SCARA3: variants seen among roughly 807,000 people sequenced by gnomAD.
The protein encoded by SCARA3 is scavenger receptor class A member 3.
In SCARA3, 39 loss-of-function variants were observed where a neutral mutation model predicts 47.0. The ratio of observed to expected loss-of-function variants is 0.83; its 90% CI spans 0.64 to 1.08. The LOEUF (loss-of-function observed/expected upper bound fraction) is 1.08. Ranked by LOEUF, SCARA3 falls within the 50% of genes least tolerant of loss-of-function variation. The probability of loss-of-function intolerance (pLI) is 0.00; values close to 1 mark genes in which losing one functional copy is unlikely to be tolerated. For missense variants in SCARA3, 724 were observed against 792.3 expected (o/e 0.91, Z 1.04); for synonymous variants, 356 against 334.1 (o/e 1.07, Z -0.71).
chr8:27,668,869 G>A (rs1425271745), intron 5 of SCARA3, among the ~76,000 whole-genome samples: 1 of 152,208 alleles, frequency 6.6e-6, no homozygotes, highest in Non-Finnish European at 1.5e-5. Flanking sequence ...GCTGGCTGCT[G>A]TGTTCTTAGA....
At chr8:27,670,375 A>T (rs574266021) in intron 5 of SCARA3, among the ~76,000 whole-genome samples, 27 of 152,328 alleles carry the variant, frequency 1.8e-4, no homozygotes, top group South Asian at 4.1e-4. Context: ...CTCAGTGAAG[A>T]GGCTGGGTGA....
chr8:27,712,481 T>A, the SCARA3 span, among the ~76,000 whole-genome samples: 1 of 142,246 alleles, frequency 7.0e-6, no homozygotes, highest in African/African-American at 2.6e-5. Context: ...GAGAATGGCG[T>A]GAACCCGGGA....
chr8:27,702,533 G>A, the SCARA3 span: 1 of 152,246 alleles, frequency 6.6e-6, no homozygotes, highest in African/African-American at 2.4e-5. Flanking sequence ...AATAACCAGT[G>A]GGAAGGAGAG....
the SCARA3 span, among the ~76,000 whole-genome samples, chr8:27,717,628 T>C: frequency 6.6e-6 from 1 of 151,874 alleles, no homozygotes; most frequent in African/African-American, 2.4e-5. Flanking sequence ...CTACTAAAAA[T>C]ACAAAAATTA....
chr8:27,664,245 G>C (rs1375449965), intron 5 of SCARA3, among the ~76,000 whole-genome samples: 27 of 152,206 alleles, frequency 1.8e-4, no homozygotes, highest in Admixed American at 1.8e-3. Flanking sequence ...AGTTCTTATG[G>C]TTCAGCCCCT....
chr8:27,710,403 C>A, the SCARA3 span, among the ~76,000 whole-genome samples: 1 of 152,282 alleles, frequency 6.6e-6, no homozygotes, highest in Non-Finnish European at 1.5e-5. Context: ...CATACAGCCT[C>A]TTTTGCATAC....
chr8:27,709,962 C>T, the SCARA3 span, among the ~76,000 whole-genome samples: 25 of 152,182 alleles, frequency 1.6e-4, no homozygotes, highest in African/African-American at 5.1e-4. Flanking sequence ...CAAAGAGAGA[C>T]GCTGACGCCT....
At chr8:27,732,097 C>T in the SCARA3 span, among the ~76,000 whole-genome samples, 2 of 152,220 alleles carry the variant, frequency 1.3e-5, no homozygotes, top group African/African-American at 2.4e-5. Context: ...AAAACACCAG[C>T]AGGAGCCCAG....
chr8:27,715,319 T>C, the SCARA3 span, among the ~76,000 whole-genome samples: 1 of 152,138 alleles, frequency 6.6e-6, no homozygotes, highest in Non-Finnish European at 1.5e-5. This position sits in a 1 kb window ranked among gnomAD's most constrained non-coding sequence, Gnocchi z 4.2. Context: ...TTTTCCTTAA[T>C]ATATATACTC....
chr8:27,707,015 T>A, the SCARA3 span, among the ~76,000 whole-genome samples: 112 of 152,108 alleles, frequency 7.4e-4, no homozygotes, highest in South Asian at 1.5e-3. Flanking sequence ...GGGTTATTCT[T>A]AGGAGAAAAA....
chr8:27,634,790 C>T (rs1353540930), intron 1 of SCARA3, among the ~76,000 whole-genome samples: 1 of 151,544 alleles, frequency 6.6e-6, no homozygotes, highest in African/African-American at 2.4e-5. Flanking sequence ...CCAGGACTGA[C>T]CTCTCCCCAG....
chr8:27,647,391 GCCCCA>G (rs1563403242), intron 1 of SCARA3, among the ~76,000 whole-genome samples: 1 of 152,168 alleles, frequency 6.6e-6, no homozygotes, highest in East Asian at 1.9e-4. Context: ...CTCCTTTGTC[GCCCCA>G]GATTAATTCA....
chr8:27,665,296 T>C (rs1801993240), intron 5 of SCARA3, among the ~76,000 whole-genome samples: 1 of 152,240 alleles, frequency 6.6e-6, no homozygotes, highest in South Asian at 2.1e-4. Flanking sequence ...CTGAGAACTA[T>C]TCCAGCTCTA....
At chr8:27,716,869 G>A in the SCARA3 span, among the ~76,000 whole-genome samples, 11 of 152,168 alleles carry the variant, frequency 7.2e-5, no homozygotes, top group South Asian at 2.1e-4. Flanking sequence ...AACGAACACC[G>A]CCAGGAATGG....
intron 5 of SCARA3, among the ~76,000 whole-genome samples, chr8:27,668,307 G>A (rs569506437): frequency 1.3e-5 from 2 of 151,718 alleles, no homozygotes; most frequent in South Asian, 4.2e-4. Context: ...TTGGGAGGCC[G>A]AGGCGGGTGG....
At chr8:27,649,578 C>G (rs911763639) in intron 1 of SCARA3, 124 bp from the exon 2 acceptor site, 3 of 896,084 alleles carry the variant, frequency 3.3e-6, no homozygotes, top group Admixed American at 4.1e-5. Context: ...CATCAGGCCA[C>G]CTGGAGCTCA....
Position 27,649,769 on chromosome 8 carries a change from G to C in SCARA3, c.75G>C (p.Glu25Asp), listed in dbSNP as rs749925954. 1.2e-6 allele frequency: 2 copies of C among 1,614,136 alleles called. No homozygotes were observed. Among genetic ancestry groups the C allele is most frequent in the Non-Finnish European group, 1.7e-6 (2 of 1,180,016 alleles). ...AAGAGGACCTGGCGGGTGACGACGAGGACATGCCGACCTTCCCATGCACCC... is the reference window on the plus strand; with the variant it reads ...AAGAGGACCTGGCGGGTGACGACGACGACATGCCGACCTTCCCATGCACCC... Reference protein sequence around the residue: ...VTEEDLAGDDEDMPTFPCTQK... With the variant: ...VTEEDLAGDDDDMPTFPCTQK... Residue 25 changes from glutamate to aspartate, a missense_variant, in exon 2 of 6, where the codon GAG becomes GAC. Physicochemically the swap from Glu to Asp is conservative, Grantham distance 45 (BLOSUM62 2). Coordinates refer to ENST00000301904, the MANE Select transcript of SCARA3 (RefSeq NM_016240.3).
Position 27,671,547 on chromosome 8 carries a change from T to C in SCARA3, c.*196T>C, listed in dbSNP as rs957436544. 3.1e-5 allele frequency: 40 copies of C among 1,285,132 alleles called. No homozygotes were observed. Among genetic ancestry groups the C allele is most frequent in the East Asian group, 6.1e-5 (2 of 32,600 alleles). The allele number at this position is 1,285,132 out of a possible 1,614,324, so 79.6% of individuals were successfully genotyped here. ...AAAGCAGCCCCTCCTCACACATACA[T>C]GTGCACATGCACACACATGCATGCA... is the stretch of plus-strand genomic sequence containing the variant. On this transcript the variant is annotated 3_prime_UTR_variant, in exon 6 of 6. Transcript: ENST00000301904.
chr8:27,672,254 C>T lies in SCARA3; in HGVS notation c.*903C>T, dbSNP rs1409662286. On this transcript the variant is annotated 3_prime_UTR_variant, in exon 6 of 6. Transcript: ENST00000301904. Reference sequence around the variant, plus strand: ...GTGTCCAGAAAATTCCTCAATTCATCCTTGCCTCTGCCCTTCAGGAGCAGC... The same window carrying T: ...GTGTCCAGAAAATTCCTCAATTCATTCTTGCCTCTGCCCTTCAGGAGCAGC... 2.0e-6 allele frequency: 2 copies of T among 985,438 alleles called. No homozygotes were observed. The highest frequency in any genetic ancestry group is 2.3e-4 in the East Asian group (2 of 8,818). The allele number at this position is 985,438 out of a possible 1,614,324, so 61.0% of individuals were successfully genotyped here.
Sources: allele counts gnomAD v4.1 joint callset (sites outside exome capture counted in the v4.1 genomes callset), GRCh38; gene constraint gnomAD v4.1.1; non-coding constraint Gnocchi (gnomAD v3.1); transcripts MANE v1.5; gene names NCBI Gene and HGNC (gene_info 2026-07-23, HGNC 2026-07-21).